PCDHA8: variants seen among roughly 807,000 people sequenced by gnomAD.
The protein encoded by PCDHA8 is protocadherin alpha 8.
PCDHA8 carries 53 observed loss-of-function variants against 61.8 expected under a neutral mutation model. The observed-to-expected ratio is 0.86, with a 90% CI of 0.69 to 1.08. PCDHA8 has a LOEUF of 1.08. PCDHA8 is among the 50% of genes least tolerant of loss of function. The probability of loss-of-function intolerance (pLI) is 0.00; values close to 1 mark genes in which losing one functional copy is unlikely to be tolerated. For missense variants in PCDHA8, 1,293 were observed against 1,245.0 expected (o/e 1.04, Z -0.58); for synonymous variants, 618 against 556.6 (o/e 1.11, Z -1.55).
At chr5:140,993,540 A>T (rs1189758746) in intron 3 of PCDHA8, among the ~76,000 whole-genome samples, 7 of 151,678 alleles carry the variant, frequency 4.6e-5, no homozygotes, top group Non-Finnish European at 8.8e-5. Context: ...AGAGAGAGAT[A>T]GAGAAGTGAA....
intron 1 of PCDHA8, among the ~76,000 whole-genome samples, chr5:140,912,566 T>G (rs1562988008): frequency 2.0e-5 from 3 of 152,178 alleles, no homozygotes; most frequent in Admixed American, 1.3e-4. Context: ...CAGTTTTAAC[T>G]TCCTCTTTTC....
At chr5:140,963,060 T>C (rs539314958) in intron 1 of PCDHA8, among the ~76,000 whole-genome samples, 11 of 152,154 alleles carry the variant, frequency 7.2e-5, no homozygotes, top group Non-Finnish European at 1.6e-4. Context: ...GGTTTCTACA[T>C]TGTGAAGGAG....
At chr5:140,959,066 G>T (rs913581823) in intron 1 of PCDHA8, among the ~76,000 whole-genome samples, 81 of 152,142 alleles carry the variant, frequency 5.3e-4, no homozygotes, top group African/African-American at 1.9e-3. Flanking sequence ...AGTATATATA[G>T]AATTCAGTAT....
intron 1 of PCDHA8, among the ~76,000 whole-genome samples, chr5:140,885,076 A>G (rs1032982957): frequency 1.3e-5 from 2 of 152,226 alleles, no homozygotes; most frequent in African/African-American, 4.8e-5. Context: ...ATTATTTTAA[A>G]GAGCCCCATA....
At chr5:141,009,312 A>G (rs1355833857) in intron 3 of PCDHA8, among the ~76,000 whole-genome samples, 1 of 152,160 alleles carries the variant, frequency 6.6e-6, no homozygotes, top group Non-Finnish European at 1.5e-5. Context: ...TTAAAAAGCT[A>G]GCCTGGCATG....
At chr5:140,950,237 ATTTG>A (rs782102459) in intron 1 of PCDHA8, among the ~76,000 whole-genome samples, 1 of 151,954 alleles carries the variant, frequency 6.6e-6, no homozygotes, top group Non-Finnish European at 1.5e-5. Flanking sequence ...AGTGCCATTA[ATTTG>A]TTCCTAAAGA....
At position 140,969,226 on chromosome 5, in the gene PCDHA8, G is replaced by A. The variant is rs145631723; in HGVS notation, c.2395-9723G>A. 3.9e-4 allele frequency: 622 copies of A among 1,614,150 alleles called. 3 individuals are homozygous for A. The African/African-American group carries it at 5.9e-3, about 15-fold the overall frequency. On this transcript the variant is annotated intron_variant, in intron 1 of 3. Transcript: ENST00000531613. Reference sequence around the variant, plus strand: ...GGGCCCAGACAGGACCAGGGCCTTCGGGAGCCCAAGCAGCAGTGACTGACA... The same window carrying A: ...GGGCCCAGACAGGACCAGGGCCTTCAGGAGCCCAAGCAGCAGTGACTGACA...
At chr5:141,004,117 G>A (rs2098153806) in intron 3 of PCDHA8, among the ~76,000 whole-genome samples, 1 of 152,236 alleles carries the variant, frequency 6.6e-6, no homozygotes. Flanking sequence ...TCAAAAGGGA[G>A]TATCTCCATG....
At chr5:140,979,068 C>G in intron 2 of PCDHA8, 61 bp downstream of exon 2, 1 of 1,602,182 alleles carries the variant, frequency 6.2e-7, no homozygotes. Flanking sequence ...CTCAGATAAA[C>G]TGCATCTCCA....
In PCDHA8 at chr5:140,869,777, C is replaced by A. The variant is rs184691375; in HGVS notation, c.2394+26062C>A. On this transcript the variant is annotated intron_variant, in intron 1 of 3. Transcript: ENST00000531613. ...GGGGGAAAACCAGAGCTTACTGGCA[C>A]CGTTCGGCTGTTAGTCCAAGTCTTG... The A allele has an allele frequency of 1.0e-4, 167 of 1,612,982 alleles. 1 individual carries two copies. The highest frequency in any genetic ancestry group is 6.8e-6 in the Non-Finnish European group (8 of 1,179,600).
intron 1 of PCDHA8, among the ~76,000 whole-genome samples, chr5:140,905,814 G>A (rs1303983123): frequency 6.6e-6 from 1 of 152,090 alleles, no homozygotes; most frequent in South Asian, 2.1e-4. Flanking sequence ...GAATTAATAG[G>A]CTAGATGTGT....
intron 1 of PCDHA8, chr5:140,851,388 A>G (rs2042047686): frequency 1.0e-6 from 1 of 974,904 alleles, no homozygotes; most frequent in Admixed American, 6.2e-5. Flanking sequence ...AACCTTCAGT[A>G]TCTATTATTT....
chr5:140,857,108 C>T, intron 1 of PCDHA8: 6 of 1,597,856 alleles, frequency 3.8e-6, no homozygotes, highest in Non-Finnish European at 5.1e-6. Context: ...TGTCACTTCT[C>T]TGTCTCTCCC....
At chr5:140,851,475 T>C (rs1554145417) in intron 1 of PCDHA8, 2 of 890,456 alleles carry the variant, frequency 2.2e-6, no homozygotes, top group African/African-American at 3.6e-5. Flanking sequence ...CAATAAATGT[T>C]ATAAACACAG....
intron 1 of PCDHA8, among the ~76,000 whole-genome samples, chr5:140,963,787 A>G (rs155812): frequency 0.31 from 47,834 of 152,128 alleles, 7,882 homozygotes; most frequent in East Asian, 0.53. Context: ...AACAACAACA[A>G]TAATGTACTT....
rs782644238 is a variant in PCDHA8 at position 140,883,107 on chromosome 5, C to A, written c.2394+39392C>A. ...GGTACAAATGGAGATATAGTTTACT[C>A]ATTTAGAAGGCCTGTATGGCCTGCA... On this transcript the variant is annotated intron_variant, in intron 1 of 3. Transcript: ENST00000531613. 15 of 1,614,064 alleles carry A rather than the reference C, an allele frequency of 9.3e-6. No homozygotes were observed. The East Asian group carries it at 3.1e-4, about 34-fold the overall frequency.
rs1554140003 is a variant in PCDHA8 at position 140,843,376 on chromosome 5, C to G, written c.2055C>G (p.Gly685=). The G allele has an allele frequency of 1.3e-6, 2 of 1,595,956 alleles. No homozygotes were observed. Among genetic ancestry groups the G allele is most frequent in the Admixed American group, 1.7e-5 (1 of 59,288 alleles). The change falls in exon 1 of 4, where the codon GGC becomes GGG. Residue 685 remains glycine, a synonymous_variant. Transcript: ENST00000531613. ...AAGCGTCATCGAGGCAGTCGGCTGG[C>G]GTTTTGGGTCCGGAAGCGGCGCTGG... The part of the protein sequence containing the change: ...APKASSRQSA[G]VLGPEAALVD...
chr5:140,927,349 G>A (rs782650880), intron 1 of PCDHA8: 3 of 1,614,016 alleles, frequency 1.9e-6, no homozygotes, highest in Admixed American at 1.7e-5. Context: ...AGATGACGAC[G>A]AGGGAAGCAA....
chr5:140,884,204 C>A (rs1410511984), intron 1 of PCDHA8: 1 of 1,613,382 alleles, frequency 6.2e-7, no homozygotes, highest in Non-Finnish European at 8.5e-7. Flanking sequence ...GCCGCACCAC[C>A]GCCTTCTGGT....
Sources: gnomAD v4.1 joint callset for allele counts (sites outside exome capture counted in the v4.1 genomes callset) on GRCh38, gnomAD v4.1.1 for gene constraint, MANE v1.5 for transcripts, NCBI Gene and HGNC (gene_info 2026-07-23, HGNC 2026-07-21) for gene names.